Variants in NRG1 observed in about 807,000 individuals in gnomAD.
NRG1 encodes pro-neuregulin-1, membrane-bound isoform.
A neutral mutation model predicts 63.8 loss-of-function variants in NRG1; 18 were observed. The observed-to-expected ratio is 0.28, with a 90% confidence interval of 0.19 to 0.42. The LOEUF (loss-of-function observed/expected upper bound fraction) is 0.42, where lower values mean the gene tolerates loss of function less well. Among genes scored for constraint, NRG1 ranks in the 10% least tolerant of loss-of-function variants. The pLI is 1.00. For synonymous variants in NRG1, 302 were observed against 301.3 expected, an observed-to-expected ratio of 1.00 and a Z score of -0.02; for missense variants, 762 against 814.7, an observed-to-expected ratio of 0.94 and a Z score of 0.79.
chr8:32,582,069 C>CTATTTTATATTATTT (rs1554591291), intron 1 of NRG1, among the ~76,000 whole-genome samples: 1 of 145,154 alleles, frequency 6.9e-6, no homozygotes, highest in African/African-American at 2.6e-5. Context: ...ACCATGAACT[C>CTATTTTATATTATTT]TATTTTATTT....
At chr8:32,434,971 A>G (rs1818607048) in intron 1 of NRG1, among the ~76,000 whole-genome samples, 1 of 152,138 alleles carries the variant, frequency 6.6e-6, no homozygotes, top group Non-Finnish European at 1.5e-5. Flanking sequence ...AGATTTTGAT[A>G]TGGAGGCAGG....
chr8:32,499,475 G>A (rs997799442), intron 1 of NRG1, among the ~76,000 whole-genome samples: 2 of 151,994 alleles, frequency 1.3e-5, no homozygotes, highest in East Asian at 1.9e-4. Flanking sequence ...TCGAGGCCAG[G>A]AGTTCAAGAT....
At chr8:32,254,910 G>A (rs1055533988) in intron 1 of NRG1, among the ~76,000 whole-genome samples, 1 of 152,174 alleles carries the variant, frequency 6.6e-6, no homozygotes, top group Admixed American at 6.5e-5. Flanking sequence ...ATTTAGGATA[G>A]TTAACTCTTC....
chr8:32,691,200 A>C (rs960564484), intron 5 of NRG1, among the ~76,000 whole-genome samples: 2 of 152,058 alleles, frequency 1.3e-5, no homozygotes, highest in African/African-American at 4.8e-5. Flanking sequence ...CTCTAGTGAA[A>C]ATACAAAAAA....
chr8:32,121,193 TTG>T (rs1833398739), intron 1 of NRG1, among the ~76,000 whole-genome samples: 2 of 152,180 alleles, frequency 1.3e-5, no homozygotes, highest in South Asian at 4.1e-4. Context: ...GCAAGGAAAA[TTG>T]TGTTTACAGC....
intron 1 of NRG1, among the ~76,000 whole-genome samples, chr8:32,207,617 T>C (rs1335288495): frequency 6.6e-6 from 1 of 152,202 alleles, no homozygotes. Context: ...AGCAAAACTA[T>C]GCAAACATCA....
At chr8:32,276,064 T>G (rs1420829656) in intron 1 of NRG1, among the ~76,000 whole-genome samples, 1 of 152,178 alleles carries the variant, frequency 6.6e-6, no homozygotes, top group Non-Finnish European at 1.5e-5. Context: ...AATCCTCTCT[T>G]CTAGCCTTCT....
At chr8:32,639,348 G>C (rs1851895574) in intron 5 of NRG1, among the ~76,000 whole-genome samples, 1 of 152,208 alleles carries the variant, frequency 6.6e-6, no homozygotes, top group Non-Finnish European at 1.5e-5. Flanking sequence ...GGAGGCTGCA[G>C]TGAGGTGAGA....
At chr8:31,858,398 A>G (rs892501357) in intron 1 of NRG1, among the ~76,000 whole-genome samples, 5 of 152,174 alleles carry the variant, frequency 3.3e-5, no homozygotes, top group Admixed American at 3.3e-4. Context: ...AAAGCTTGAT[A>G]AGTGGATGCC....
intron 1 of NRG1, among the ~76,000 whole-genome samples, chr8:31,684,947 A>C (rs1438154228): frequency 6.6e-6 from 1 of 152,226 alleles, no homozygotes; most frequent in Non-Finnish European, 1.5e-5. Flanking sequence ...TGATAGGAGA[A>C]TATCACAAGG....
At chr8:32,115,182 C>A (rs1832554153) in intron 1 of NRG1, among the ~76,000 whole-genome samples, 1 of 151,986 alleles carries the variant, frequency 6.6e-6, no homozygotes, top group Non-Finnish European at 1.5e-5. Flanking sequence ...AGGCATATAC[C>A]ACCATGCCTG....
chr8:31,828,269 C>G (rs556534789), intron 1 of NRG1, among the ~76,000 whole-genome samples: 8 of 152,268 alleles, frequency 5.3e-5, no homozygotes, highest in East Asian at 3.9e-4. Flanking sequence ...CAATAATTGA[C>G]GATGAGTGAC....
At chr8:31,893,976 A>T (rs1326618432) in intron 1 of NRG1, among the ~76,000 whole-genome samples, 5 of 152,126 alleles carry the variant, frequency 3.3e-5, no homozygotes, top group African/African-American at 1.2e-4. Context: ...TTATTCTATA[A>T]AATGCAGTAC....
chr8:32,042,551 A>G (rs779485513), intron 1 of NRG1, among the ~76,000 whole-genome samples: 4 of 152,192 alleles, frequency 2.6e-5, no homozygotes, highest in Non-Finnish European at 5.9e-5. Context: ...TTCAACTTGC[A>G]TGGGAAATCC....
At chr8:31,644,488 A>G (rs1804106912) in intron 1 of NRG1, among the ~76,000 whole-genome samples, 1 of 152,168 alleles carries the variant, frequency 6.6e-6, no homozygotes, top group African/African-American at 2.4e-5. Flanking sequence ...TGGGGTATCT[A>G]TAAATCCTCT....
chr8:32,627,198 A>G (rs1363058418), intron 5 of NRG1, among the ~76,000 whole-genome samples: 2 of 152,152 alleles, frequency 1.3e-5, no homozygotes, highest in African/African-American at 4.8e-5. Flanking sequence ...AGATGATGAC[A>G]TTCTATAATT....
intron 1 of NRG1, among the ~76,000 whole-genome samples, chr8:32,139,896 T>C (rs1039915842): frequency 4.6e-5 from 7 of 152,086 alleles, no homozygotes; most frequent in African/African-American, 1.7e-4. Context: ...CTGAAAGAGG[T>C]TCCTAATTAG....
intron 1 of NRG1, among the ~76,000 whole-genome samples, chr8:32,479,614 T>C (rs927253388): frequency 3.9e-5 from 6 of 152,170 alleles, no homozygotes; most frequent in Non-Finnish European, 8.8e-5. Flanking sequence ...TTAGAGCCTC[T>C]TAACCCTTAT....
intron 1 of NRG1, among the ~76,000 whole-genome samples, chr8:32,084,738 C>T (rs898676504): frequency 2.0e-5 from 3 of 152,044 alleles, no homozygotes; most frequent in Non-Finnish European, 4.4e-5. Flanking sequence ...CCAGTCTTCA[C>T]GGGACCAAGC....
Sources: allele counts gnomAD v4.1 joint callset (sites outside exome capture counted in the v4.1 genomes callset), GRCh38; gene constraint gnomAD v4.1.1; transcripts MANE v1.5; gene names NCBI Gene and HGNC (gene_info 2026-07-23, HGNC 2026-07-21).